Variants in TCF24 observed in about 807,000 individuals in gnomAD.
The protein encoded by TCF24 is transcription factor 24.
Under a neutral mutation model 9.3 loss-of-function variants are expected in TCF24, and 5 were observed. That is an observed-to-expected ratio of 0.54 (90% confidence interval 0.28 to 1.13). The LOEUF is 1.13. Ranked by LOEUF, TCF24 falls within the 50% of genes most tolerant of loss-of-function variation. The pLI, the probability that TCF24 is intolerant of heterozygous loss-of-function variation, is 0.09. For synonymous variants in TCF24, 110 were observed against 115.8 expected (o/e 0.95, Z 0.32); for missense variants, 220 against 236.1 (o/e 0.93, Z 0.45).
At chr8:66,953,830 C>G (rs1404225501) in intron 3 of TCF24, among the ~76,000 whole-genome samples, 3 of 151,974 alleles carry the variant, frequency 2.0e-5, no homozygotes, top group African/African-American at 7.3e-5. Context: ...TCCCTTCTCG[C>G]TTCATTTCAT....
rs1563408748 is a variant in TCF24, at chr8:66,961,878, A to G, written c.-25T>C. The G allele has an allele frequency of 3.2e-6, 3 of 932,244 alleles. No individual in the cohort carries two copies. The highest frequency in any genetic ancestry group is 1.1e-3 in the Middle Eastern group (2 of 1,884). 57.7% of individuals were successfully genotyped at this position (932,244 alleles called of 1,614,324 possible). On this transcript the variant is annotated splice_region_variant and 5_prime_UTR_variant, in exon 2 of 4. Coordinates refer to ENST00000563496, the MANE Select transcript of TCF24 (RefSeq NM_001193502.2). ...CCCTGGTTCTCCCCGTGCGCCCACC[A>G]GCAGCCCAACGGGGCTAAGGGCGCT... is the stretch of plus-strand genomic sequence containing the variant.
intron 3 of TCF24, among the ~76,000 whole-genome samples, chr8:66,960,199 A>G (rs1263887074): frequency 6.6e-6 from 1 of 152,204 alleles, no homozygotes; most frequent in Non-Finnish European, 1.5e-5. Context: ...TTACAAATGA[A>G]ATAAAGTCTA....
At chr8:66,954,147 G>A (rs900280697) in intron 3 of TCF24, among the ~76,000 whole-genome samples, 8 of 152,340 alleles carry the variant, frequency 5.3e-5, no homozygotes, top group South Asian at 4.1e-4. Flanking sequence ...GAGGAACTGC[G>A]TTCCTTTGGA....
chr8:66,960,490 G>A (rs1563408213), intron 3 of TCF24, among the ~76,000 whole-genome samples: 1 of 152,026 alleles, frequency 6.6e-6, no homozygotes, highest in Non-Finnish European at 1.5e-5. Flanking sequence ...TGAAAATTTA[G>A]GTTTAGCAAG....
chr8:66,961,109 G>A (rs1034360427), intron 3 of TCF24, among the ~76,000 whole-genome samples: 2 of 152,178 alleles, frequency 1.3e-5, no homozygotes, highest in South Asian at 4.1e-4. Context: ...AAAATCCTTC[G>A]GAGGCATCCT....
chr8:66,949,160 T>A (rs1475746363), intron 3 of TCF24, among the ~76,000 whole-genome samples: 1 of 152,044 alleles, frequency 6.6e-6, no homozygotes, highest in African/African-American at 2.4e-5. Context: ...TTGTGCAGGT[T>A]AGTTACATAC....
At chr8:66,955,691 A>G (rs192321151) in intron 3 of TCF24, among the ~76,000 whole-genome samples, 21 of 152,344 alleles carry the variant, frequency 1.4e-4, no homozygotes, top group African/African-American at 4.1e-4. Flanking sequence ...CCCCAGACCA[A>G]TTAAGTCAGA....
At chr8:66,949,715 CCCA>C (rs1432582689) in intron 3 of TCF24, among the ~76,000 whole-genome samples, 21 of 152,104 alleles carry the variant, frequency 1.4e-4, no homozygotes, top group Admixed American at 1.2e-3. Context: ...AGTTTACAGT[CCCA>C]CCAACAGTGT....
rs1047703648 is a variant in TCF24, at chr8:66,962,455, G to C, written c.-261C>G. 6.5e-6 allele frequency: 1 copy of C among 152,688 alleles called. No homozygotes were observed. The highest frequency in any genetic ancestry group is 1.5e-5 in the Non-Finnish European group (1 of 68,416). The allele number at this position is 152,688 out of a possible 1,614,324, so 9.5% of individuals were successfully genotyped here. A position where few individuals can be genotyped will look rare whatever the true frequency, so the allele number is the denominator to read the frequency against. On this transcript the variant is annotated 5_prime_UTR_variant, in exon 1 of 4. Transcript: ENST00000563496. ...TCGTCCGGCCGATGCCCAAGTCGAC[G>C]GCTGTTTCCAACCTCCGCTGGCTGT... is the stretch of plus-strand genomic sequence containing the variant.
chr8:66,961,383 G>C lies in TCF24; in HGVS notation c.383C>G (p.Pro128Arg), dbSNP rs999461781. ...GALRGDGYLHPVKKWPMRSRL... is the reference protein window; with the variant it reads ...GALRGDGYLHRVKKWPMRSRL... ...TGCGCCCCGCCCGCTTACCTTGACC[G>C]GGTGCAGGTAGCCATCGCCGCGCAG... The change falls in exon 3 of 4, where the codon CCG (proline) becomes CGG (arginine). Residue 128 changes from proline to arginine, a missense_variant. By Grantham distance (103) the Pro-to-Arg change is moderately radical. Transcript: ENST00000563496. The C allele has an allele frequency of 1.2e-5, 18 of 1,493,536 alleles. 1 individual carries two copies. Among genetic ancestry groups the C allele is most frequent in the East Asian group, 2.7e-5 (1 of 37,622 alleles). 92.5% of individuals were successfully genotyped at this position (1,493,536 alleles called of 1,614,324 possible).
intron 3 of TCF24, among the ~76,000 whole-genome samples, chr8:66,956,605 C>T (rs948621211): frequency 2.6e-5 from 4 of 152,138 alleles, no homozygotes; most frequent in Non-Finnish European, 4.4e-5. Flanking sequence ...GCAAGTGACC[C>T]GCCCGCCTCA....
intron 3 of TCF24, among the ~76,000 whole-genome samples, chr8:66,949,157 GGTTA>G (rs1167263990): frequency 1.3e-5 from 2 of 151,142 alleles, no homozygotes; most frequent in Admixed American, 1.3e-4. Context: ...ACATTGTGCA[GGTTA>G]GTTACATACG....
Position 66,961,638 on chromosome 8 carries a change from G to A in TCF24, c.128C>T (p.Ser43Leu). The change falls in exon 3 of 4, where the codon TCG (serine) becomes TTG (leucine). Residue 43 changes from serine to leucine, a missense_variant. Physicochemically the swap from Ser to Leu is moderately radical, Grantham distance 145 (BLOSUM62 -2). Transcript: ENST00000563496. ...CGCCGGCCGCCCGCTCCCGGAACGC[G>A]AGCCGCCCCCAGGGCCCGCCGGCCC... ...GPGPAGPGGGSRSGSGRPAAA... is the reference protein window; with the variant it reads ...GPGPAGPGGGLRSGSGRPAAA... 2.4e-6 allele frequency: 3 copies of A among 1,253,218 alleles called. No individual in the cohort carries two copies. The highest frequency in any genetic ancestry group is 3.0e-6 in the Non-Finnish European group (3 of 1,000,914). The allele number at this position is 1,253,218 out of a possible 1,614,324, so 77.6% of individuals were successfully genotyped here.
intron 3 of TCF24, among the ~76,000 whole-genome samples, chr8:66,956,373 A>AT (rs933587487): frequency 1.4e-4 from 21 of 151,056 alleles, no homozygotes; most frequent in Non-Finnish European, 2.4e-4. Context: ...TTTTATTTTT[A>AT]TTTTTTTTGA....
intron 3 of TCF24, among the ~76,000 whole-genome samples, chr8:66,954,742 T>C (rs1330445072): frequency 6.6e-6 from 1 of 152,176 alleles, no homozygotes; most frequent in Non-Finnish European, 1.5e-5. Flanking sequence ...TAGCAATCAG[T>C]GAGACTCCGT....
chr8:66,956,981 G>A (rs1814165640), intron 3 of TCF24, among the ~76,000 whole-genome samples: 1 of 151,804 alleles, frequency 6.6e-6, no homozygotes, highest in African/African-American at 2.4e-5. Context: ...GAGGCGGGCA[G>A]ATTACAAGGT....
chr8:66,960,676 A>G (rs1005049723), intron 3 of TCF24, among the ~76,000 whole-genome samples: 1 of 152,230 alleles, frequency 6.6e-6, no homozygotes, highest in African/African-American at 2.4e-5. Flanking sequence ...AAATTACGCA[A>G]AATGGATTCT....
chr8:66,961,779 G>GGT lies in TCF24; in HGVS notation c.-15_-14insAC. The GGT allele has an allele frequency of 9.0e-7, 1 of 1,110,634 alleles. No individual in the cohort carries two copies. The allele number at this position is 1,110,634 out of a possible 1,614,324, so 68.8% of individuals were successfully genotyped here. On this transcript the variant is annotated 5_prime_UTR_variant, in exon 3 of 4. Transcript: ENST00000563496. ...GCCGCGGTCCATGGCAGCTTCCCGC[G>GGT]CCGCGCGCGCTGCAAAGGACCGAAG...
chr8:66,958,793 C>G (rs1187863058), intron 3 of TCF24, among the ~76,000 whole-genome samples: 1 of 152,184 alleles, frequency 6.6e-6, no homozygotes, highest in Admixed American at 6.5e-5. Flanking sequence ...ATAAAGTCAT[C>G]TGTGTTTTTC....
Sources: gnomAD v4.1 joint callset for allele counts (sites outside exome capture counted in the v4.1 genomes callset) on GRCh38, gnomAD v4.1.1 for gene constraint, MANE v1.5 for transcripts, NCBI Gene and HGNC (gene_info 2026-07-23, HGNC 2026-07-21) for gene names.